The following DENND4C variants were observed in gnomAD, a reference collection of about 807,000 sequenced individuals.
DENND4C encodes DENN domain containing 4C.
A neutral mutation model predicts 203.0 loss-of-function variants in DENND4C; 108 were observed. That is an observed-to-expected ratio of 0.53 (90% CI 0.46 to 0.62). The LOEUF (loss-of-function observed/expected upper bound fraction) is 0.62. DENND4C is among the 20% of genes least tolerant of loss of function. The pLI, the probability that DENND4C is intolerant of heterozygous loss-of-function variation, is 0.00. For synonymous variants in DENND4C, 871 were observed against 792.4 expected (o/e 1.10, Z -1.67); for missense variants, 2,481 against 2,301.2 (o/e 1.08, Z -1.60).
intron 22 of DENND4C, 128 bp from the exon 23 acceptor site, chr9:19,345,793 G>A: frequency 3.5e-6 from 3 of 857,298 alleles, no homozygotes; most frequent in Non-Finnish European, 5.0e-6. Context: ...TTTCTTTATG[G>A]CCTCTAAATT....
At chr9:19,343,384 GATTTTA>G (rs1042636660) in intron 22 of DENND4C, among the ~76,000 whole-genome samples, 2 of 152,178 alleles carry the variant, frequency 1.3e-5, no homozygotes, top group Admixed American at 1.3e-4. Context: ...CCAAGTATAT[GATTTTA>G]AAAGACAATG....
chr9:19,235,445 A>G (rs1184813324), intron 1 of DENND4C, among the ~76,000 whole-genome samples: 2 of 152,166 alleles, frequency 1.3e-5, no homozygotes, highest in East Asian at 3.8e-4. Flanking sequence ...ACTTGCTACT[A>G]GTTTGTGTAC....
At chr9:19,288,207 C>T (rs1055033946) in intron 3 of DENND4C, among the ~76,000 whole-genome samples, 1 of 152,156 alleles carries the variant, frequency 6.6e-6, no homozygotes, top group East Asian at 1.9e-4. Flanking sequence ...ACAAATGCAC[C>T]CAGAACAATT....
Position 19,290,734 on chromosome 9 carries a change from A to G in DENND4C, c.659A>G (p.Tyr220Cys), listed in dbSNP as rs1490984561. ...ATTTTTAGATATCCAGAAGAGGACT[A>G]TGAGTCATTTCCACTCTCAGAATCA... ...GLIFRYPEED[Y>C]ESFPLSESDV... The change falls in exon 5 of 33, where the codon TAT becomes TGT. Residue 220 changes from tyrosine (Y) to cysteine (C), a missense_variant. Physicochemically the swap from Tyr to Cys is radical, Grantham distance 194. Transcript: ENST00000434457. The G allele has an allele frequency of 1.5e-5, 24 of 1,552,388 alleles. No homozygotes were observed. Among genetic ancestry groups the G allele is most frequent in the African/African-American group, 2.7e-5 (2 of 72,922 alleles).
At chr9:19,319,178 T>C (rs1588909503) in intron 12 of DENND4C, among the ~76,000 whole-genome samples, 1 of 147,876 alleles carries the variant, frequency 6.8e-6, no homozygotes, top group Non-Finnish European at 1.5e-5. Context: ...AAAAAAAATA[T>C]ATGTATATAT....
intron 8 of DENND4C, 77 bp downstream of exon 8, chr9:19,299,364 T>G (rs10738535): frequency 1.1e-6 from 1 of 940,180 alleles, no homozygotes; most frequent in Non-Finnish European, 1.6e-6. Flanking sequence ...GATTAGTATA[T>G]TATTAATATA....
At chr9:19,237,832 G>T (rs909621250) in intron 1 of DENND4C, among the ~76,000 whole-genome samples, 3 of 152,040 alleles carry the variant, frequency 2.0e-5, no homozygotes, top group African/African-American at 7.3e-5. Flanking sequence ...CACTAAAAAA[G>T]TAGCGATAAG....
chr9:19,338,640 C>T (rs1057395720), intron 20 of DENND4C, among the ~76,000 whole-genome samples: 3 of 152,236 alleles, frequency 2.0e-5, no homozygotes, highest in East Asian at 3.9e-4. Flanking sequence ...TGGAATCTTT[C>T]CACTTGGTAC....
intron 10 of DENND4C, among the ~76,000 whole-genome samples, chr9:19,308,307 A>G (rs1313435766): frequency 6.6e-6 from 1 of 152,172 alleles, no homozygotes; most frequent in Non-Finnish European, 1.5e-5. Context: ...AGCAGATGAG[A>G]GTTCTCTTTG....
chr9:19,325,123 A>G (rs1273209318), intron 13 of DENND4C, among the ~76,000 whole-genome samples: 3 of 152,260 alleles, frequency 2.0e-5, no homozygotes, highest in South Asian at 2.1e-4. Flanking sequence ...ATTTAAATGA[A>G]TAAGATTTAG....
chr9:19,245,282 C>T (rs1455265234), intron 1 of DENND4C, among the ~76,000 whole-genome samples: 1 of 150,952 alleles, frequency 6.6e-6, no homozygotes, highest in African/African-American at 2.4e-5. Flanking sequence ...TCCTGGCTAA[C>T]AAGGTGAAAC....
At chr9:19,282,715 C>CTTTTTTTTT (rs1554717864) in intron 2 of DENND4C, among the ~76,000 whole-genome samples, 25 of 86,660 alleles carry the variant, frequency 2.9e-4, no homozygotes, top group African/African-American at 1.1e-3. Flanking sequence ...TTTCTTCTCT[C>CTTTTTTTTT]TTTTTTTTTT....
chr9:19,244,258 T>A (rs1824546148), intron 1 of DENND4C, among the ~76,000 whole-genome samples: 2 of 152,166 alleles, frequency 1.3e-5, no homozygotes, highest in African/African-American at 2.4e-5. Flanking sequence ...CTTGAACTAC[T>A]GACCTCAGGT....
Position 19,342,644 on chromosome 9 carries a change from G to A in DENND4C, c.3016G>A (p.Ala1006Thr). 3.1e-6 allele frequency: 5 copies of A among 1,601,836 alleles called. No homozygotes were observed. Among genetic ancestry groups the A allele is most frequent in the Non-Finnish European group, 4.3e-6 (5 of 1,176,086 alleles). Residue 1006 changes from alanine (A) to threonine (T), a missense_variant, in exon 22 of 33, where the codon GCC becomes ACC. Ala to Thr is a moderately conservative substitution (Grantham distance 58, BLOSUM62 0). Coordinates refer to ENST00000434457, the MANE Select transcript of DENND4C (RefSeq NM_001330640.2). Reference sequence around the variant, plus strand: ...ATATTTTTTTCCAGAGGTGTGTGATGCCTCTGCTATTGTGGCAAAACATTC... The same window carrying A: ...ATATTTTTTTCCAGAGGTGTGTGATACCTCTGCTATTGTGGCAAAACATTC... ...TKMQTEEVCD[A>T]SAIVAKHSQP...
At chr9:19,256,515 G>C (rs1463331236) in intron 1 of DENND4C, among the ~76,000 whole-genome samples, 1 of 151,588 alleles carries the variant, frequency 6.6e-6, no homozygotes, top group African/African-American at 2.4e-5. Context: ...AGGTTTCTCT[G>C]TGTTGGTTAG....
chr9:19,258,773 G>C (rs1828624906), intron 1 of DENND4C, among the ~76,000 whole-genome samples: 1 of 152,000 alleles, frequency 6.6e-6, no homozygotes, highest in Admixed American at 6.6e-5. Context: ...TCCTGCCTCA[G>C]CCTCCAGAGT....
intron 2 of DENND4C, among the ~76,000 whole-genome samples, chr9:19,278,416 A>G (rs1206090655): frequency 1.3e-5 from 2 of 152,016 alleles, no homozygotes; most frequent in African/African-American, 2.4e-5. Flanking sequence ...AGCGTGAGTT[A>G]CCACACCTGG....
intron 1 of DENND4C, among the ~76,000 whole-genome samples, chr9:19,272,474 A>AACT (rs1038234356): frequency 6.6e-6 from 1 of 152,036 alleles, no homozygotes; most frequent in Non-Finnish European, 1.5e-5. Flanking sequence ...GCTGGTCTTG[A>AACT]ACTACTGGAC....
intron 29 of DENND4C, among the ~76,000 whole-genome samples, chr9:19,360,760 C>T (rs1826293107): frequency 6.6e-6 from 1 of 152,110 alleles, no homozygotes; most frequent in Admixed American, 6.6e-5. Flanking sequence ...ACTTTCTATC[C>T]AGCAGTTAGG....
Sources: allele counts gnomAD v4.1 joint callset (sites outside exome capture counted in the v4.1 genomes callset), GRCh38; gene constraint gnomAD v4.1.1; transcripts MANE v1.5; gene names NCBI Gene and HGNC (gene_info 2026-07-23, HGNC 2026-07-21).